The following BEND5 variants were observed in gnomAD, a reference collection of about 807,000 sequenced individuals.
BEND5 encodes BEN domain-containing protein 5.
Under a neutral mutation model 43.9 loss-of-function variants are expected in BEND5, and 22 were observed. That is an observed-to-expected ratio of 0.50 (90% CI 0.36 to 0.72). The LOEUF is 0.72. Among genes scored for constraint, BEND5 ranks in the 30% least tolerant of loss-of-function variants. The probability of loss-of-function intolerance (pLI) is 0.00; values close to 1 mark genes in which losing one functional copy is unlikely to be tolerated. For synonymous variants in BEND5, 228 were observed against 225.9 expected, an observed-to-expected ratio of 1.01 and a Z score of -0.08; for missense variants, 428 against 550.6, an observed-to-expected ratio of 0.78 and a Z score of 2.23.
chr1:48,773,840 A>G (rs956785123), intron 1 of BEND5, among the ~76,000 whole-genome samples: 27 of 152,182 alleles, frequency 1.8e-4, no homozygotes, highest in African/African-American at 6.5e-4. Context: ...ACCTACCAAA[A>G]TGTCACTTAG....
intron 1 of BEND5, among the ~76,000 whole-genome samples, chr1:48,772,839 C>A (rs1309945586): frequency 6.6e-6 from 1 of 152,218 alleles, no homozygotes; most frequent in Non-Finnish European, 1.5e-5. Context: ...AAAAGATAAA[C>A]TGCAAAGCCC....
chr1:48,742,705 G>A lies in BEND5; in HGVS notation c.812C>T (p.Thr271Ile). Reference protein sequence around the residue: ...CLEPEPELRSTFSEEANTSSY... With the variant: ...CLEPEPELRSIFSEEANTSSY... ...CGACGTATTTGCTTCCTCACTGAAA[G>A]TGCTCCGTAACTCCGGCTCGGGCTC... is the stretch of plus-strand genomic sequence containing the variant. The change falls in exon 4 of 6, where the codon ACT becomes ATT. Residue 271 changes from threonine to isoleucine, a missense_variant. By Grantham distance (89) the Thr-to-Ile change is moderately conservative (BLOSUM62 -1). This residue lies in a region of BEND5 where 243 missense variants were observed against 286.4 expected (regional missense o/e 0.85). Coordinates refer to ENST00000371833, the MANE Select transcript of BEND5 (RefSeq NM_024603.4). 6.2e-7 allele frequency: 1 copy of A among 1,611,690 alleles called. No homozygotes were observed. Among genetic ancestry groups the A allele is most frequent in the Non-Finnish European group, 8.5e-7 (1 of 1,178,832 alleles).
intron 4 of BEND5, 88 bp downstream of exon 4, chr1:48,742,535 G>A (rs1650075367): frequency 7.7e-7 from 1 of 1,294,392 alleles, no homozygotes; most frequent in African/African-American, 1.5e-5. Flanking sequence ...CAGTCAAGCT[G>A]CGATTTGGAA....
chr1:48,760,853 C>T (rs1024921906), intron 2 of BEND5, among the ~76,000 whole-genome samples: 1 of 152,194 alleles, frequency 6.6e-6, no homozygotes, highest in African/African-American at 2.4e-5. Flanking sequence ...GGGCACACAG[C>T]AAGAAAATGC....
intron 3 of BEND5, among the ~76,000 whole-genome samples, chr1:48,751,740 T>C (rs1311857817): frequency 2.0e-5 from 3 of 152,192 alleles, no homozygotes; most frequent in Non-Finnish European, 4.4e-5. Flanking sequence ...GGGAAAAGCC[T>C]AACAACTTCC....
intron 3 of BEND5, among the ~76,000 whole-genome samples, chr1:48,755,967 A>C (rs961801918): frequency 6.6e-6 from 1 of 152,214 alleles, no homozygotes; most frequent in African/African-American, 2.4e-5. Context: ...TAACCTGCCC[A>C]AGGTCATATA....
At chr1:48,757,244 C>T (rs1643982603) in intron 3 of BEND5, among the ~76,000 whole-genome samples, 1 of 152,156 alleles carries the variant, frequency 6.6e-6, no homozygotes. Flanking sequence ...AAATTATTCA[C>T]TTTAAGATTG....
intron 4 of BEND5, among the ~76,000 whole-genome samples, chr1:48,741,903 T>C (rs755598929): frequency 3.3e-5 from 5 of 152,232 alleles, no homozygotes; most frequent in Admixed American, 2.0e-4. Context: ...ATCAATTCAA[T>C]TGAATGTTAG....
intron 1 of BEND5, among the ~76,000 whole-genome samples, chr1:48,767,713 A>G (rs1644598436): frequency 6.6e-6 from 1 of 152,226 alleles, no homozygotes; most frequent in African/African-American, 2.4e-5. Flanking sequence ...CAACTACTCT[A>G]ACCTTGAGGC....
At chr1:48,759,622 C>T (rs951790778) in intron 2 of BEND5, among the ~76,000 whole-genome samples, 1 of 152,246 alleles carries the variant, frequency 6.6e-6, no homozygotes, top group Non-Finnish European at 1.5e-5. Context: ...AGCCCACCCA[C>T]AATGCCTAGG....
intron 2 of BEND5, 96 bp from the exon 3 acceptor site, chr1:48,759,380 A>G (rs1644133325): frequency 6.8e-7 from 1 of 1,469,128 alleles, no homozygotes; most frequent in Non-Finnish European, 9.0e-7. Context: ...AAATCACAGA[A>G]TCACAGAACA....
intron 1 of BEND5, among the ~76,000 whole-genome samples, chr1:48,767,877 A>G (rs1016433280): frequency 7.9e-5 from 12 of 152,210 alleles, no homozygotes; most frequent in African/African-American, 2.7e-4. Flanking sequence ...AGCTACTACA[A>G]TGTCAGCTAA....
chr1:48,759,251 G>A lies in BEND5; in HGVS notation c.394C>T (p.His132Tyr), dbSNP rs1467135368. The A allele has an allele frequency of 6.3e-7, 1 of 1,575,176 alleles. No individual in the cohort carries two copies. Among genetic ancestry groups the A allele is most frequent in the African/African-American group, 1.4e-5 (1 of 73,916 alleles). Residue 132 changes from histidine (H) to tyrosine (Y), a missense_variant, in exon 3 of 6, where the codon CAC becomes TAC. By Grantham distance (83) the His-to-Tyr change is moderately conservative. Transcript: ENST00000371833. ...PEGRKPSEVA[H>Y]KSIEAVVARL... ...GCCACCACTGCCTCGATGCTCTTGTGCGCCACTTCGCTCGGCTTCCGCCCC... is the reference window on the plus strand; with the variant it reads ...GCCACCACTGCCTCGATGCTCTTGTACGCCACTTCGCTCGGCTTCCGCCCC...
chr1:48,766,015 T>C (rs958637611), intron 1 of BEND5, among the ~76,000 whole-genome samples: 7 of 152,210 alleles, frequency 4.6e-5, no homozygotes, highest in African/African-American at 1.7e-4. Context: ...TACAGAACTT[T>C]AGGAATATAC....
intron 1 of BEND5, among the ~76,000 whole-genome samples, chr1:48,772,283 C>T (rs753202365): frequency 2.0e-5 from 3 of 152,182 alleles, no homozygotes; most frequent in East Asian, 3.8e-4. Context: ...CTCTCTTGGG[C>T]GCAGAGGGAG....
chr1:48,733,307 CCA>C (rs1348848094), intron 5 of BEND5, among the ~76,000 whole-genome samples: 1 of 152,052 alleles, frequency 6.6e-6, no homozygotes, highest in Non-Finnish European at 1.5e-5. Flanking sequence ...GGACTGAAAT[CCA>C]GAGCCCAGAT....
At position 48,736,104 on chromosome 1, in the gene BEND5, G is replaced by C. The variant is rs1648999096; in HGVS notation, c.1108+135C>G. ...TCTGGGGCATTTGGGTTATCCGCTT[G>C]GTGTCCCCGGGCTCAGCCCAGGGTC... On this transcript the variant is annotated intron_variant, in intron 5 of 5. Coordinates refer to ENST00000371833, the MANE Select transcript of BEND5 (RefSeq NM_024603.4). This position sits in a 1 kb window ranked among gnomAD's most constrained non-coding sequence, Gnocchi z 4.0. 4 of 938,434 alleles carry C rather than the reference G, an allele frequency of 4.3e-6. No homozygotes were observed. In the South Asian group the frequency reaches 6.4e-5, roughly 15 times the overall value. The allele number at this position is 938,434 out of a possible 1,614,324, so 58.1% of individuals were successfully genotyped here.
chr1:48,766,857 G>C (rs772108004), intron 1 of BEND5, among the ~76,000 whole-genome samples: 2 of 152,172 alleles, frequency 1.3e-5, no homozygotes, highest in Non-Finnish European at 2.9e-5. Flanking sequence ...AACATTTACT[G>C]TTCCTGTTTT....
chr1:48,745,816 G>C (rs1327425183), intron 3 of BEND5, among the ~76,000 whole-genome samples: 3 of 152,142 alleles, frequency 2.0e-5, no homozygotes, highest in Non-Finnish European at 4.4e-5. Context: ...GTTGACTTGT[G>C]ACCTTCCTTG....
Sources: allele counts gnomAD v4.1 joint callset (sites outside exome capture counted in the v4.1 genomes callset), GRCh38; gene constraint gnomAD v4.1.1; regional missense constraint gnomAD v4.1.1; non-coding constraint Gnocchi (gnomAD v3.1); transcripts MANE v1.5; gene names NCBI Gene and HGNC (gene_info 2026-07-23, HGNC 2026-07-21).